The following CCNC variants were observed in gnomAD, a reference collection of about 807,000 sequenced individuals.
The protein encoded by CCNC is cyclin-C.
A neutral mutation model predicts 50.0 loss-of-function variants in CCNC; 19 were observed. The observed-to-expected ratio is 0.38, with a 90% CI of 0.27 to 0.56. The LOEUF (loss-of-function observed/expected upper bound fraction) is 0.56. CCNC is among the 20% of genes least tolerant of loss of function. The probability of loss-of-function intolerance (pLI) is 0.72; values close to 1 mark genes in which losing one functional copy is unlikely to be tolerated. For missense variants in CCNC, 200 were observed against 327.1 expected, an observed-to-expected ratio of 0.61 and a Z score of 3.00; for synonymous variants, 93 against 103.7, an observed-to-expected ratio of 0.90 and a Z score of 0.63.
intron 1 of CCNC, chr6:99,566,983 A>G (rs2114433591): frequency 2.2e-6 from 1 of 454,548 alleles, no homozygotes. Flanking sequence ...CCAGATAAGA[A>G]ACTCCATGAC....
chr6:99,563,627 T>C (rs779025778), intron 1 of CCNC, among the ~76,000 whole-genome samples: 47 of 152,322 alleles, frequency 3.1e-4, no homozygotes, highest in Non-Finnish European at 6.0e-4. Context: ...TTAGCCAATC[T>C]CTACTGATGG....
intron 8 of CCNC, 162 bp from the exon 9 acceptor site, chr6:99,549,737 G>C: frequency 4.0e-6 from 2 of 495,928 alleles, no homozygotes; most frequent in Non-Finnish European, 3.6e-6. Context: ...CAAAAGGATG[G>C]ATACATGAAT....
intron 5 of CCNC, chr6:99,557,643 A>G (rs1471169729): frequency 6.6e-6 from 1 of 151,856 alleles, no homozygotes; most frequent in Non-Finnish European, 1.5e-5. Flanking sequence ...CGTCTCTACT[A>G]AAAAATACAA....
At chr6:99,557,480 T>C (rs1054435805) in intron 5 of CCNC, 1 of 152,062 alleles carries the variant, frequency 6.6e-6, no homozygotes, top group Non-Finnish European at 1.5e-5. Flanking sequence ...AATGTGACTG[T>C]ATTTGGAGAG....
chr6:99,563,469 G>A (rs1562494935), intron 1 of CCNC, among the ~76,000 whole-genome samples: 3 of 152,110 alleles, frequency 2.0e-5, no homozygotes, highest in Non-Finnish European at 4.4e-5. Context: ...AGTCAAGTGT[G>A]CTATTTTTAA....
At chr6:99,565,488 CAATT>C (rs1769085195) in intron 1 of CCNC, among the ~76,000 whole-genome samples, 2 of 152,134 alleles carry the variant, frequency 1.3e-5, no homozygotes, top group African/African-American at 2.4e-5. Flanking sequence ...AATAACTTCT[CAATT>C]AACTGAGTTT....
intron 9 of CCNC, among the ~76,000 whole-genome samples, chr6:99,547,465 T>TCA: frequency 6.6e-6 from 1 of 151,208 alleles, no homozygotes; most frequent in Non-Finnish European, 1.5e-5. Flanking sequence ...ACTGAAGAGC[T>TCA]GATATCTAAG....
At chr6:99,552,182 TA>T (rs1802328632) in intron 5 of CCNC, among the ~76,000 whole-genome samples, 1 of 152,160 alleles carries the variant, frequency 6.6e-6, no homozygotes, top group Non-Finnish European at 1.5e-5. Context: ...TTATCATTTC[TA>T]AAATCTTTTC....
intron 5 of CCNC, chr6:99,557,788 C>CAAAAAAAAAAAAAA (rs61523844): frequency 1.2e-5 from 1 of 86,666 alleles, no homozygotes; most frequent in Non-Finnish European, 2.1e-5. Context: ...GACTCTGTCT[C>CAAAAAAAAAAAAAA]AAAAAAAAAA....
chr6:99,568,679 G>GC (rs34083897), upstream of CCNC: 2 of 1,498,216 alleles, frequency 1.3e-6, no homozygotes, highest in Non-Finnish European at 1.8e-6. Flanking sequence ...GAAGAGGATG[G>GC]CCCCCTAGTC....
intron 5 of CCNC, among the ~76,000 whole-genome samples, chr6:99,552,944 A>G (rs1802363437): frequency 6.6e-6 from 1 of 152,094 alleles, no homozygotes; most frequent in African/African-American, 2.4e-5. Flanking sequence ...CGGGAGGCCG[A>G]GGCAGGAGAA....
chr6:99,554,955 A>G (rs1353667931), intron 5 of CCNC, among the ~76,000 whole-genome samples: 1 of 152,200 alleles, frequency 6.6e-6, no homozygotes, highest in Non-Finnish European at 1.5e-5. Context: ...CTAACCATCT[A>G]TATTGTATTA....
rs749471346 is a variant in CCNC at position 99,561,607 on chromosome 6, A to C, written c.214T>G (p.Phe72Val). 6.2e-7 allele frequency: 1 copy of C among 1,603,620 alleles called. No individual in the cohort carries two copies. The highest frequency in any genetic ancestry group is 2.2e-5 in the East Asian group (1 of 44,692). ...IATATVYFKR[F>V]YARYSLKSID... ...TAAAAACAATCCTACCTGGCATAGA[A>C]TCTCTTGAAATATACCGTAGCAGTG... The change falls in exon 3 of 12, where the codon TTC (phenylalanine) becomes GTC (valine). Residue 72 changes from phenylalanine to valine, a missense_variant. By Grantham distance (50) the Phe-to-Val change is conservative. Transcript: ENST00000520429.
At chr6:99,566,172 A>G (rs906301656) in intron 1 of CCNC, among the ~76,000 whole-genome samples, 1 of 151,856 alleles carries the variant, frequency 6.6e-6, no homozygotes, top group East Asian at 1.9e-4. Context: ...CCCTGATTTA[A>G]CTAGCAGTAG....
At chr6:99,568,700 C>G, upstream of CCNC, 1 of 1,459,424 alleles carries the variant, frequency 6.9e-7, no homozygotes, top group South Asian at 1.4e-5. Flanking sequence ...TCCTTCACGC[C>G]GGCCGACAAC....
chr6:99,550,102 A>G, intron 8 of CCNC, 116 bp downstream of exon 8: 1 of 685,148 alleles, frequency 1.5e-6, no homozygotes, highest in East Asian at 2.8e-5. Flanking sequence ...TTTGCTCAAC[A>G]TAAAATATCT....
At chr6:99,564,819 G>A (rs1445999320) in intron 1 of CCNC, among the ~76,000 whole-genome samples, 1 of 151,988 alleles carries the variant, frequency 6.6e-6, no homozygotes, top group Non-Finnish European at 1.5e-5. Context: ...GGCATAGCAA[G>A]GCCTTTCCTG....
chr6:99,549,323 T>TG, intron 9 of CCNC, 185 bp downstream of exon 9: 1 of 546,340 alleles, frequency 1.8e-6, no homozygotes, highest in Non-Finnish European at 3.2e-6. Context: ...AAAAAGGGGG[T>TG]GGGGGAATAA....
At chr6:99,548,802 C>CAAAA (rs71021744) in intron 9 of CCNC, among the ~76,000 whole-genome samples, 2 of 106,560 alleles carry the variant, frequency 1.9e-5, no homozygotes, top group African/African-American at 3.9e-5. Flanking sequence ...GACTCCATCT[C>CAAAA]AAAAAAAAAA....
Sources: gnomAD v4.1 joint callset for allele counts (sites outside exome capture counted in the v4.1 genomes callset) on GRCh38, gnomAD v4.1.1 for gene constraint, MANE v1.5 for transcripts, NCBI Gene and HGNC (gene_info 2026-07-23, HGNC 2026-07-21) for gene names.